The following MEAK7 variants were observed in gnomAD, a reference collection of about 807,000 sequenced individuals.
MEAK7 encodes the protein MTOR-associated protein MEAK7.
Under a neutral mutation model 40.5 loss-of-function variants are expected in MEAK7, and 68 were observed. The observed-to-expected ratio is 1.68, with a 90% CI of 1.38 to 2.06. The LOEUF (loss-of-function observed/expected upper bound fraction) is 2.06, where lower values mean the gene tolerates loss of function less well. Among genes scored for constraint, MEAK7 ranks in the 30% most tolerant of loss-of-function variants. The pLI is 0.00. For missense variants in MEAK7, 918 were observed against 580.5 expected, an observed-to-expected ratio of 1.58 and a Z score of -5.98; for synonymous variants, 338 against 231.9, an observed-to-expected ratio of 1.46 and a Z score of -4.16.
rs422598 is a variant in MEAK7, at chr16:84,479,693, A to C, written c.*220T>G. Reference sequence around the variant, plus strand: ...AGATCCTGAGGGTGACCCTGTAGGGAAAAAAAGAAAACTTAAAAAACATCT... The same window carrying C: ...AGATCCTGAGGGTGACCCTGTAGGGCAAAAAAGAAAACTTAAAAAACATCT... On this transcript the variant is annotated 3_prime_UTR_variant, in exon 8 of 8. Transcript: ENST00000343629. The C allele has an allele frequency of 0.79, 310,006 of 392,822 alleles. 124,983 individuals carry two copies. Among genetic ancestry groups the C allele is most frequent in the East Asian group, 0.92 (25,214 of 27,306 alleles). 24.3% of individuals were successfully genotyped at this position (392,822 alleles called of 1,614,324 possible). A position where few individuals can be genotyped will look rare whatever the true frequency, so the allele number is the denominator to read the frequency against.
Position 84,480,601 on chromosome 16 carries a change from C to G in MEAK7, c.1185G>C (p.Leu395=). Reference sequence around the variant, plus strand: ...CAAACTGGAAGTTCTCCTGAGCCGACAGCTGCGGGCTGTTGTACGTGGTGC... The same window carrying G: ...CAAACTGGAAGTTCTCCTGAGCCGAGAGCTGCGGGCTGTTGTACGTGGTGC... The part of the protein sequence containing the change: ...PTCTTYNSPQ[L]SAQENFQFDK... Residue 395 remains leucine (L), a synonymous_variant, in exon 7 of 8, where the codon CTG becomes CTC. Transcript: ENST00000343629. 1 of 1,614,084 alleles carries G rather than the reference C, an allele frequency of 6.2e-7. No homozygotes were observed. Among genetic ancestry groups the G allele is most frequent in the South Asian group, 1.1e-5 (1 of 91,074 alleles).
In MEAK7 at chr16:84,481,404, A is replaced by G. The variant is rs1372440146; in HGVS notation, c.1078-696T>C. 4.6e-5 allele frequency among the ~76,000 whole-genome samples: 7 copies of G among 152,324 alleles called. No homozygotes were observed. The South Asian group carries it at 6.2e-4, about 14-fold the overall frequency. ...CACGCGGAGCCGCTCTCTCAGGGCCAATGACGAGCGATGACCGGGGCCTGC... is the reference window on the plus strand; with the variant it reads ...CACGCGGAGCCGCTCTCTCAGGGCCGATGACGAGCGATGACCGGGGCCTGC... On this transcript the variant is annotated intron_variant, in intron 6 of 7. Transcript: ENST00000343629.
In MEAK7 at chr16:84,479,368, G is replaced by A. The variant is rs541981214; in HGVS notation, c.*545C>T. 1.3e-5 allele frequency: 2 copies of A among 152,332 alleles called. No individual in the cohort carries two copies. The highest frequency in any genetic ancestry group is 2.1e-4 in the South Asian group (1 of 4,820). The allele number at this position is 152,332 out of a possible 1,614,324, so 9.4% of individuals were successfully genotyped here. On this transcript the variant is annotated 3_prime_UTR_variant, in exon 8 of 8. Transcript: ENST00000343629. Reference sequence around the variant, plus strand: ...AGCGGGAGGAACCCCCTCCTCAATAGAGAAGTTGAGATCCCAGCAATGCTA... The same window carrying A: ...AGCGGGAGGAACCCCCTCCTCAATAAAGAAGTTGAGATCCCAGCAATGCTA...
intron 1 of MEAK7, 130 bp downstream of exon 1, chr16:84,504,471 T>G: frequency 2.1e-6 from 1 of 479,776 alleles, no homozygotes; most frequent in Non-Finnish European, 2.7e-6. Flanking sequence ...CCCGAGGGCC[T>G]GAAGAGGCGT....
At chr16:84,488,835 A>C (rs763102555) in intron 4 of MEAK7, among the ~76,000 whole-genome samples, 4 of 152,238 alleles carry the variant, frequency 2.6e-5, no homozygotes, top group Admixed American at 1.3e-4. Flanking sequence ...TATTTGAAAA[A>C]GAAGATCTCG....
chr16:84,499,508 T>A (rs12924337), intron 1 of MEAK7, among the ~76,000 whole-genome samples: 49,925 of 151,882 alleles, frequency 0.33, 8,685 homozygotes, highest in East Asian at 0.55. Context: ...GTAATCAGGA[T>A]CTTTCTCTTC....
intron 3 of MEAK7, among the ~76,000 whole-genome samples, chr16:84,491,820 G>T (rs925998075): frequency 2.7e-5 from 4 of 148,878 alleles, no homozygotes; most frequent in African/African-American, 5.0e-5. Flanking sequence ...CTCGGTGAAG[G>T]CGCAAGACTC....
chr16:84,488,237 A>AAC (rs1913265013), intron 4 of MEAK7: 2 of 151,938 alleles, frequency 1.3e-5, no homozygotes, highest in African/African-American at 2.4e-5. Context: ...TAGATGGATG[A>AAC]ACAGTTTACC....
At chr16:84,488,394 AG>A (rs1425560434) in intron 4 of MEAK7, 4 of 151,864 alleles carry the variant, frequency 2.6e-5, no homozygotes, top group Admixed American at 6.6e-5. Flanking sequence ...TTATAAAGTA[AG>A]TCTGCTTTGC....
rs1309318888 is a variant in MEAK7 at position 84,486,956 on chromosome 16, A to G, written c.633T>C (p.Ser211=). The change falls in exon 5 of 8, where the codon AGT becomes AGC. Residue 211 remains serine (S), a synonymous_variant. Coordinates refer to ENST00000343629, the MANE Select transcript of MEAK7 (RefSeq NM_020947.4). ...FRVPHVAIFL[S]VVICKGFLIL... is the part of the protein sequence containing the mutation. Reference sequence around the variant, plus strand: ...TGAGAAAGCCCTTGCAAATGACCACACTCAGGAATATGGCCACATGGGGGA... The same window carrying G: ...TGAGAAAGCCCTTGCAAATGACCACGCTCAGGAATATGGCCACATGGGGGA... 3 of 1,614,022 alleles carry G rather than the reference A, an allele frequency of 1.9e-6. No homozygotes were observed. In the South Asian group the frequency reaches 3.3e-5, roughly 18 times the overall value.
chr16:84,493,176 T>C (rs1448122408), intron 3 of MEAK7, among the ~76,000 whole-genome samples: 2 of 152,210 alleles, frequency 1.3e-5, no homozygotes, highest in East Asian at 3.8e-4. Flanking sequence ...TAGTAATTAC[T>C]ATTATGTAAA....
intron 6 of MEAK7, 29 bp from the exon 7 acceptor site, chr16:84,480,737 C>T (rs1201020535): frequency 2.5e-6 from 4 of 1,584,796 alleles, no homozygotes; most frequent in Admixed American, 1.8e-5. Context: ...CAGAGAATAG[C>T]ATCAGCAACT....
At chr16:84,503,180 A>G (rs1352868573) in intron 1 of MEAK7, among the ~76,000 whole-genome samples, 4 of 148,336 alleles carry the variant, frequency 2.7e-5, no homozygotes, top group Non-Finnish European at 4.4e-5. Flanking sequence ...ACAATAACTG[A>G]TAAGTGCATA....
intron 2 of MEAK7, 169 bp downstream of exon 2, chr16:84,497,765 T>G: frequency 7.6e-7 from 1 of 1,309,386 alleles, no homozygotes; most frequent in Non-Finnish European, 1.1e-6. Context: ...AGAGACCGCA[T>G]AGCTCACAAA....
chr16:84,495,055 G>C (rs568465103), intron 3 of MEAK7, among the ~76,000 whole-genome samples: 1 of 152,156 alleles, frequency 6.6e-6, no homozygotes, highest in Non-Finnish European at 1.5e-5. Flanking sequence ...GACCACCTAA[G>C]CTCAGGAGTT....
chr16:84,491,813 G>T (rs574004260), intron 3 of MEAK7, among the ~76,000 whole-genome samples: 1 of 149,766 alleles, frequency 6.7e-6, no homozygotes, highest in Admixed American at 6.7e-5. Flanking sequence ...CTCCAGCCTC[G>T]GTGAAGGCGC....
At chr16:84,483,571 T>C (rs909417388) in intron 5 of MEAK7, among the ~76,000 whole-genome samples, 3 of 152,084 alleles carry the variant, frequency 2.0e-5, no homozygotes, top group African/African-American at 4.8e-5. Flanking sequence ...GGCACCATGA[T>C]GGAACGCAGA....
At chr16:84,493,192 T>G (rs1567499970) in intron 3 of MEAK7, among the ~76,000 whole-genome samples, 2 of 152,358 alleles carry the variant, frequency 1.3e-5, no homozygotes, top group South Asian at 4.1e-4. Context: ...GTAAAGTTGT[T>G]GTATGCCAGA....
intron 4 of MEAK7, chr16:84,487,272 T>G (rs1467148914): frequency 1.3e-5 from 7 of 536,492 alleles, no homozygotes; most frequent in Non-Finnish European, 2.3e-5. Context: ...ATATCTCAAT[T>G]TTTAAATATT....
Sources: allele counts gnomAD v4.1 joint callset (sites outside exome capture counted in the v4.1 genomes callset), GRCh38; gene constraint gnomAD v4.1.1; transcripts MANE v1.5; gene names NCBI Gene and HGNC (gene_info 2026-07-23, HGNC 2026-07-21).